Variants in SLC9D1 observed in about 807,000 individuals in gnomAD.
SLC9D1 encodes the protein solute carrier family 9 member D1, also known as putative LAG1-interacting protein.
chr13:113,549,239 C>T, the SLC9D1 span, among the ~76,000 whole-genome samples: 1 of 151,836 alleles, frequency 6.6e-6, no homozygotes, highest in South Asian at 2.1e-4. Flanking sequence ...CATGACCGCG[C>T]TTAGCTTCCA....
chr13:113,550,222 TTTA>T, the SLC9D1 span: 1 of 152,210 alleles, frequency 6.6e-6, no homozygotes, highest in East Asian at 2.0e-4. Context: ...AAAATCTGTT[TTTA>T]TTAATTTTTT....
At chr13:113,517,464 G>T in the SLC9D1 span, among the ~76,000 whole-genome samples, 1 of 152,062 alleles carries the variant, frequency 6.6e-6, no homozygotes, top group Non-Finnish European at 1.5e-5. Context: ...TCCTGACCTC[G>T]TGATCCGCCC....
the SLC9D1 span, chr13:113,503,482 T>G: frequency 1.9e-6 from 3 of 1,591,218 alleles, no homozygotes; most frequent in East Asian, 6.7e-5. Context: ...TGGTTTTTCT[T>G]TTGTGTTTTT....
At chr13:113,525,800 C>T in the SLC9D1 span, among the ~76,000 whole-genome samples, 1 of 148,112 alleles carries the variant, frequency 6.8e-6, no homozygotes, top group East Asian at 2.1e-4. Context: ...TATTCTAGAA[C>T]AAGCCATCGT....
the SLC9D1 span, chr13:113,534,519 T>G: frequency 2.1e-6 from 1 of 478,686 alleles, no homozygotes; most frequent in Non-Finnish European, 3.7e-6. Flanking sequence ...CCGGGTATAG[T>G]GGCTCACACC....
the SLC9D1 span, chr13:113,503,794 G>A: frequency 1.8e-6 from 1 of 550,884 alleles, no homozygotes; most frequent in Non-Finnish European, 3.2e-6. Flanking sequence ...GTGAAGAATT[G>A]GAATTTGCCT....
chr13:113,525,685 T>G, the SLC9D1 span, among the ~76,000 whole-genome samples: 10 of 141,456 alleles, frequency 7.1e-5, no homozygotes, highest in East Asian at 2.1e-4. Context: ...GCTCTGTGCC[T>G]GTTATTCTAG....
At chr13:113,508,404 G>T in the SLC9D1 span, among the ~76,000 whole-genome samples, 1 of 152,240 alleles carries the variant, frequency 6.6e-6, no homozygotes, top group Non-Finnish European at 1.5e-5. Flanking sequence ...AGCCAGCGTG[G>T]ACAGCACGGG....
At chr13:113,548,909 G>A in the SLC9D1 span, among the ~76,000 whole-genome samples, 1 of 152,160 alleles carries the variant, frequency 6.6e-6, no homozygotes, top group Non-Finnish European at 1.5e-5. Flanking sequence ...AAGTCCAGGT[G>A]TTGAGTGCAG....
the SLC9D1 span, among the ~76,000 whole-genome samples, chr13:113,539,862 T>G: frequency 6.6e-6 from 1 of 152,064 alleles, no homozygotes; most frequent in South Asian, 2.1e-4. The surrounding 1 kb of genome is among the most constrained non-coding windows in gnomAD (Gnocchi z 4.8). Context: ...ATCCTCACCC[T>G]CCTCCTCCCA....
At chr13:113,516,856 A>G in the SLC9D1 span, among the ~76,000 whole-genome samples, 1 of 152,204 alleles carries the variant, frequency 6.6e-6, no homozygotes, top group East Asian at 1.9e-4. Flanking sequence ...GGAGGTCAGA[A>G]TGGCAGCTGG....
At chr13:113,534,259 GTTAT>G in the SLC9D1 span, 1 of 1,572,254 alleles carries the variant, frequency 6.4e-7, no homozygotes, top group Non-Finnish European at 8.7e-7. Flanking sequence ...CAAACTATGT[GTTAT>G]TTATGTAATC....
chr13:113,516,933 G>A, the SLC9D1 span, among the ~76,000 whole-genome samples: 9 of 152,248 alleles, frequency 5.9e-5, no homozygotes, highest in South Asian at 4.1e-4. Context: ...TCTTAACCTC[G>A]GAGCAAGACT....
the SLC9D1 span, among the ~76,000 whole-genome samples, chr13:113,544,944 C>T: frequency 6.6e-6 from 1 of 152,266 alleles, no homozygotes; most frequent in Admixed American, 6.5e-5. Flanking sequence ...GCCCAGCTCC[C>T]TAATTCCTAG....
chr13:113,528,485 G>C, the SLC9D1 span: 1 of 152,266 alleles, frequency 6.6e-6, no homozygotes, highest in African/African-American at 2.4e-5. Flanking sequence ...ATGAAGGGCT[G>C]TTTACCTGGG....
chr13:113,492,836 T>G, the SLC9D1 span, among the ~76,000 whole-genome samples: 1 of 152,078 alleles, frequency 6.6e-6, no homozygotes, highest in East Asian at 1.9e-4. Context: ...AGGCAAAGGT[T>G]GCAGTGAGCT....
chr13:113,502,907 G>A, the SLC9D1 span, among the ~76,000 whole-genome samples: 2 of 152,232 alleles, frequency 1.3e-5, no homozygotes, highest in South Asian at 2.1e-4. Context: ...GAAGAGGAGC[G>A]CGCCCAGCAC....
At chr13:113,530,973 C>A in the SLC9D1 span, among the ~76,000 whole-genome samples, 2 of 152,224 alleles carry the variant, frequency 1.3e-5, no homozygotes, top group African/African-American at 2.4e-5. Context: ...TGGGTGGTGC[C>A]CAGGTTGGGA....
the SLC9D1 span, among the ~76,000 whole-genome samples, chr13:113,513,948 C>G: frequency 6.6e-6 from 1 of 152,014 alleles, no homozygotes; most frequent in Non-Finnish European, 1.5e-5. Flanking sequence ...GAGATGGAGC[C>G]GGGGGGTCGG....
Sources: gnomAD v4.1 joint callset for allele counts (sites outside exome capture counted in the v4.1 genomes callset) on GRCh38, gnomAD v4.1.1 for gene constraint, Gnocchi (gnomAD v3.1) non-coding constraint, MANE v1.5 for transcripts, NCBI Gene and HGNC (gene_info 2026-07-23, HGNC 2026-07-21) for gene names.